Variants in RALYL observed in about 807,000 individuals in gnomAD.
The protein encoded by RALYL is RALY RNA binding protein like, also known as RNA-binding Raly-like protein.
A neutral mutation model predicts 35.1 loss-of-function variants in RALYL; 29 were observed. That is an observed-to-expected ratio of 0.83 (90% CI 0.61 to 1.13). The LOEUF (loss-of-function observed/expected upper bound fraction) is 1.13, where lower values mean the gene tolerates loss of function less well. Ranked by LOEUF, RALYL falls within the 50% of genes most tolerant of loss-of-function variation. The pLI, the probability that RALYL is intolerant of heterozygous loss-of-function variation, is 0.00. For missense variants in RALYL, 359 were observed against 360.4 expected (o/e 1.00, Z 0.03); for synonymous variants, 120 against 127.6 (o/e 0.94, Z 0.40).
intron 1 of RALYL, among the ~76,000 whole-genome samples, chr8:84,463,309 G>A (rs1298978417): frequency 6.6e-6 from 1 of 151,912 alleles, no homozygotes; most frequent in Non-Finnish European, 1.5e-5. Flanking sequence ...ACAACATCCT[G>A]TATTAAGCTT....
At chr8:84,710,882 A>G (rs1842065894) in intron 2 of RALYL, among the ~76,000 whole-genome samples, 1 of 152,182 alleles carries the variant, frequency 6.6e-6, no homozygotes, top group Non-Finnish European at 1.5e-5. Flanking sequence ...ATTTTATTGA[A>G]GATAAGATGA....
intron 2 of RALYL, among the ~76,000 whole-genome samples, chr8:84,615,867 T>C (rs1430683628): frequency 1.0e-5 from 1 of 95,332 alleles, no homozygotes; most frequent in Non-Finnish European, 2.0e-5. Flanking sequence ...GTTCTTGCGA[T>C]AGTTTACTGA....
chr8:84,722,452 A>G (rs1250735193), intron 2 of RALYL, among the ~76,000 whole-genome samples: 1 of 151,550 alleles, frequency 6.6e-6, no homozygotes, highest in Non-Finnish European at 1.5e-5. Context: ...CAGGTAGTTT[A>G]TCCTCTTTCT....
At chr8:84,531,790 C>T (rs711054) in intron 2 of RALYL, among the ~76,000 whole-genome samples, 82,079 of 151,766 alleles carry the variant, frequency 0.54, 22,308 homozygotes, top group East Asian at 0.66. Context: ...TTCTGGAGTT[C>T]TGTTTCCTAT....
chr8:84,657,734 G>A lies in RALYL; in HGVS notation c.257-116845G>A, dbSNP rs927214508. Among the ~76,000 whole-genome samples the A allele has an allele frequency of 3.3e-5, 5 of 152,108 alleles. 1 individual carries two copies. In the South Asian group the frequency reaches 6.2e-4, roughly 19 times the overall value. On this transcript the variant is annotated intron_variant, in intron 2 of 8. Coordinates refer to ENST00000521268, the MANE Select transcript of RALYL (RefSeq NM_173848.7). ...GGGGGATAAATCAAGAAAGAAGATG[G>A]GAGATCCAGGAAACTGTGGACCTAG... is the stretch of plus-strand genomic sequence containing the variant.
intron 2 of RALYL, among the ~76,000 whole-genome samples, chr8:84,577,899 C>G (rs1809849221): frequency 6.6e-6 from 1 of 152,184 alleles, no homozygotes; most frequent in African/African-American, 2.4e-5. Context: ...GCACCCTTAA[C>G]TTAATAAAAT....
At chr8:84,459,113 A>G (rs2050459240) in intron 1 of RALYL, among the ~76,000 whole-genome samples, 1 of 151,828 alleles carries the variant, frequency 6.6e-6, no homozygotes, top group Non-Finnish European at 1.5e-5. Flanking sequence ...ATATTTTATA[A>G]CATTTATTGA....
intron 1 of RALYL, among the ~76,000 whole-genome samples, chr8:84,335,621 C>T (rs752279622): frequency 8.0e-5 from 12 of 150,842 alleles, no homozygotes; most frequent in Admixed American, 4.0e-4. Context: ...CCTCCACTCC[C>T]GCAAGAAGAT....
chr8:84,485,752 G>A (rs2133954854), intron 1 of RALYL, among the ~76,000 whole-genome samples: 1 of 152,116 alleles, frequency 6.6e-6, no homozygotes, highest in South Asian at 2.1e-4. Context: ...GGAAATTAAT[G>A]AGTTTATATT....
At chr8:84,226,043 G>C (rs930284235) in intron 1 of RALYL, among the ~76,000 whole-genome samples, 1 of 152,130 alleles carries the variant, frequency 6.6e-6, no homozygotes, top group African/African-American at 2.4e-5. Flanking sequence ...ACTGGTCTGT[G>C]GCCTATTAGG....
chr8:84,661,942 GT>G (rs201193434), intron 2 of RALYL, among the ~76,000 whole-genome samples: 4,948 of 139,680 alleles, frequency 0.035, 214 homozygotes, highest in African/African-American at 0.11. Context: ...TTTTGTTACT[GT>G]TTTTTTTTTT....
chr8:84,757,368 C>G (rs1381169812), intron 2 of RALYL, among the ~76,000 whole-genome samples: 1 of 152,100 alleles, frequency 6.6e-6, no homozygotes, highest in Non-Finnish European at 1.5e-5. Flanking sequence ...AATTTATATA[C>G]AAGTACAGTT....
intron 2 of RALYL, among the ~76,000 whole-genome samples, chr8:84,713,938 A>T (rs1425895262): frequency 6.6e-6 from 1 of 151,422 alleles, no homozygotes; most frequent in African/African-American, 2.4e-5. Flanking sequence ...CATATATATC[A>T]TATGTAAATG....
At chr8:84,659,283 A>G (rs980319530) in intron 2 of RALYL, among the ~76,000 whole-genome samples, 1 of 146,140 alleles carries the variant, frequency 6.8e-6, no homozygotes, top group African/African-American at 2.8e-5. Flanking sequence ...GTGATGTGGC[A>G]TCAACACCTT....
intron 1 of RALYL, among the ~76,000 whole-genome samples, chr8:84,404,182 G>T (rs1275000716): frequency 6.6e-6 from 1 of 151,790 alleles, no homozygotes; most frequent in Non-Finnish European, 1.5e-5. Context: ...TTGCCTGATT[G>T]CCCTGGCCAG....
intron 1 of RALYL, among the ~76,000 whole-genome samples, chr8:84,493,786 G>A (rs956991783): frequency 7.3e-5 from 11 of 151,722 alleles, no homozygotes; most frequent in Admixed American, 6.6e-4. Context: ...TAAGTTCCTT[G>A]TAAATTCTGT....
At chr8:84,310,179 G>T (rs1842506718) in intron 1 of RALYL, among the ~76,000 whole-genome samples, 1 of 151,646 alleles carries the variant, frequency 6.6e-6, no homozygotes, top group Non-Finnish European at 1.5e-5. Context: ...AGTACCTGGG[G>T]TTACAGGCAC....
intron 1 of RALYL, among the ~76,000 whole-genome samples, chr8:84,470,303 T>A (rs2133676951): frequency 6.6e-6 from 1 of 152,292 alleles, no homozygotes; most frequent in South Asian, 2.1e-4. Flanking sequence ...TTTGGAAATA[T>A]TTTTCTATTT....
At chr8:84,421,430 G>A (rs1320748711) in intron 1 of RALYL, among the ~76,000 whole-genome samples, 1 of 129,000 alleles carries the variant, frequency 7.8e-6, no homozygotes, top group African/African-American at 3.0e-5. Context: ...TTGCTTATCA[G>A]CTTAAGGAGA....
Sources: allele counts gnomAD v4.1 joint callset (sites outside exome capture counted in the v4.1 genomes callset), GRCh38; gene constraint gnomAD v4.1.1; transcripts MANE v1.5; gene names NCBI Gene and HGNC (gene_info 2026-07-23, HGNC 2026-07-21).